Variants in SCAMP1 observed in about 807,000 individuals in gnomAD.
The protein encoded by SCAMP1 is secretory carrier membrane protein 1.
SCAMP1 carries 15 observed loss-of-function variants against 41.8 expected under a neutral mutation model. The observed-to-expected ratio is 0.36, with a 90% CI of 0.24 to 0.55. SCAMP1 has a LOEUF of 0.55. Ranked by LOEUF, SCAMP1 falls within the 20% of genes least tolerant of loss-of-function variation. The probability of loss-of-function intolerance (pLI) is 0.86; values close to 1 mark genes in which losing one functional copy is unlikely to be tolerated. For missense variants in SCAMP1, 341 were observed against 412.6 expected (o/e 0.83, Z 1.50); for synonymous variants, 135 against 136.8 (o/e 0.99, Z 0.09).
At chr5:78,417,609 A>G (rs572294970) in intron 4 of SCAMP1, among the ~76,000 whole-genome samples, 86 of 152,334 alleles carry the variant, frequency 5.6e-4, no homozygotes, top group Non-Finnish European at 8.5e-4. Context: ...TCATACTTAA[A>G]TCATCAATAC....
chr5:78,456,454 G>C (rs1311216084), intron 7 of SCAMP1, among the ~76,000 whole-genome samples: 1 of 151,826 alleles, frequency 6.6e-6, no homozygotes, highest in African/African-American at 2.4e-5. Flanking sequence ...AGTTTAGTTT[G>C]GCTGGATATG....
At chr5:78,380,775 A>G (rs1170275517) in intron 1 of SCAMP1, among the ~76,000 whole-genome samples, 1 of 152,206 alleles carries the variant, frequency 6.6e-6, no homozygotes, top group African/African-American at 2.4e-5. Context: ...TATAGTAAAA[A>G]CATTTGAAGG....
At chr5:78,392,291 T>G (rs1483592294) in intron 2 of SCAMP1, among the ~76,000 whole-genome samples, 4 of 152,216 alleles carry the variant, frequency 2.6e-5, no homozygotes, top group Non-Finnish European at 5.9e-5. Flanking sequence ...ATTTTAAATT[T>G]CCGTTTTACT....
chr5:78,451,341 T>C (rs980090132), intron 7 of SCAMP1, among the ~76,000 whole-genome samples: 5 of 152,188 alleles, frequency 3.3e-5, no homozygotes, highest in Admixed American at 3.3e-4. Context: ...TTTCACCCAA[T>C]GGTAATAATC....
chr5:78,385,485 G>C (rs112113761), intron 1 of SCAMP1, among the ~76,000 whole-genome samples: 31 of 151,724 alleles, frequency 2.0e-4, no homozygotes, highest in African/African-American at 6.8e-4. Flanking sequence ...TCTTCTTCTG[G>C]GTTTGGGTTT....
chr5:78,383,691 C>T (rs981950475), intron 1 of SCAMP1, among the ~76,000 whole-genome samples: 1 of 152,122 alleles, frequency 6.6e-6, no homozygotes, highest in Non-Finnish European at 1.5e-5. Context: ...AATAGGGTGT[C>T]CTTTCTCCAC....
intron 5 of SCAMP1, 79 bp from the exon 6 acceptor site, chr5:78,421,722 T>A: frequency 7.8e-7 from 1 of 1,279,848 alleles, no homozygotes; most frequent in Non-Finnish European, 1.1e-6. Context: ...AGTATTTTTT[T>A]ATTTACAATT....
rs1754022662 is a variant in SCAMP1 at position 78,477,067 on chromosome 5, G to A, written c.*1399G>A. ...ATTATTCAATTAGATTTTAAGTAAG[G>A]ATTGTGATATTAGAGGCTGGAAATC... On this transcript the variant is annotated 3_prime_UTR_variant, in exon 9 of 9. Coordinates refer to ENST00000621999, the MANE Select transcript of SCAMP1 (RefSeq NM_004866.6). 1 of 152,074 alleles carries A rather than the reference G, an allele frequency of 6.6e-6. No homozygotes were observed. Among genetic ancestry groups the A allele is most frequent in the Non-Finnish European group, 1.5e-5 (1 of 67,970 alleles). The allele number at this position is 152,074 out of a possible 1,614,324, so 9.4% of individuals were successfully genotyped here.
At chr5:78,388,381 A>G (rs1218360869) in intron 1 of SCAMP1, among the ~76,000 whole-genome samples, 1 of 152,246 alleles carries the variant, frequency 6.6e-6, no homozygotes, top group African/African-American at 2.4e-5. Flanking sequence ...AACAAGAGTT[A>G]CTTAATATTG....
At chr5:78,396,053 C>T (rs1391256945) in intron 2 of SCAMP1, among the ~76,000 whole-genome samples, 3 of 152,186 alleles carry the variant, frequency 2.0e-5, no homozygotes, top group Non-Finnish European at 4.4e-5. Context: ...TTCCATCTGT[C>T]TCTTTATCCC....
At chr5:78,451,852 G>A (rs542765295) in intron 7 of SCAMP1, among the ~76,000 whole-genome samples, 2 of 152,218 alleles carry the variant, frequency 1.3e-5, no homozygotes, top group South Asian at 2.1e-4. Flanking sequence ...ACAGGATTTC[G>A]CCATGTTGCC....
At chr5:78,394,119 A>T (rs1235214886) in intron 2 of SCAMP1, among the ~76,000 whole-genome samples, 1 of 152,156 alleles carries the variant, frequency 6.6e-6, no homozygotes, top group African/African-American at 2.4e-5. Context: ...ACAAGAGAAA[A>T]TTCCAGGTAC....
At chr5:78,373,603 A>G (rs1750997370) in intron 1 of SCAMP1, among the ~76,000 whole-genome samples, 1 of 152,088 alleles carries the variant, frequency 6.6e-6, no homozygotes, top group African/African-American at 2.4e-5. Context: ...TTAAGACGTA[A>G]TTTGGTTTCT....
intron 2 of SCAMP1, among the ~76,000 whole-genome samples, chr5:78,407,762 TTTCATCTTTGTGTAGTTTGCTG>T (rs1751969631): frequency 6.6e-6 from 1 of 152,136 alleles, no homozygotes; most frequent in South Asian, 2.1e-4. Context: ...TCCTTTATTA[TTTCATCTTTGTGTAGTTTGCTG>T]TTCAACTTGT....
intron 2 of SCAMP1, among the ~76,000 whole-genome samples, chr5:78,390,188 G>A (rs113830969): frequency 6.6e-6 from 1 of 152,130 alleles, no homozygotes; most frequent in African/African-American, 2.4e-5. Context: ...TTGGGGAATT[G>A]GTTGGTGTTG....
intron 6 of SCAMP1, among the ~76,000 whole-genome samples, chr5:78,439,425 C>G (rs934914775): frequency 3.3e-5 from 5 of 150,592 alleles, no homozygotes; most frequent in East Asian, 3.8e-4. Flanking sequence ...GACAAAATCT[C>G]TCAGCATTTG....
intron 4 of SCAMP1, among the ~76,000 whole-genome samples, chr5:78,417,537 G>A (rs1381527843): frequency 6.6e-6 from 1 of 152,210 alleles, no homozygotes; most frequent in Non-Finnish European, 1.5e-5. Context: ...GTAACAAAGA[G>A]TAGGAAATTA....
rs1469998278 is a variant in SCAMP1, at chr5:78,457,842, G to A, written c.735-1403G>A. 6.8e-5 allele frequency: 11 copies of A among 160,606 alleles called. No homozygotes were observed. In the East Asian group the frequency reaches 7.5e-4, roughly 11 times the overall value. 9.9% of individuals were successfully genotyped at this position (160,606 alleles called of 1,614,324 possible). ...CTGTGCTAGCAATCAGCGAGACTCC[G>A]TGGGCGTAGGACCCTCCGAGCCAGG... is the stretch of plus-strand genomic sequence containing the variant. On this transcript the variant is annotated intron_variant, in intron 7 of 8. Coordinates refer to ENST00000621999, the MANE Select transcript of SCAMP1 (RefSeq NM_004866.6).
In SCAMP1 at chr5:78,452,874, G is replaced by A. The variant is rs1444748081; in HGVS notation, c.734+2840G>A. On this transcript the variant is annotated intron_variant, in intron 7 of 8. Transcript: ENST00000621999. ...GTTGTTTCCTGACTTTTTAATGATCGCCATTCTAACTGGTGTGAGATGATA... is the reference window on the plus strand; with the variant it reads ...GTTGTTTCCTGACTTTTTAATGATCACCATTCTAACTGGTGTGAGATGATA... Among the ~76,000 whole-genome samples the A allele has an allele frequency of 4.0e-4, 60 of 149,566 alleles. 1 individual carries two copies. Among genetic ancestry groups the A allele is most frequent in the African/African-American group, 1.5e-3 (59 of 40,104 alleles).
Sources: gnomAD v4.1 joint callset for allele counts (sites outside exome capture counted in the v4.1 genomes callset) on GRCh38, gnomAD v4.1.1 for gene constraint, MANE v1.5 for transcripts, NCBI Gene and HGNC (gene_info 2026-07-23, HGNC 2026-07-21) for gene names.